The following FYB1 variants were observed in gnomAD, a reference collection of about 807,000 sequenced individuals.
FYB1 encodes the protein FYN-binding protein 1.
FYB1 carries 41 observed loss-of-function variants against 94.1 expected under a neutral mutation model. The observed-to-expected ratio is 0.44, with a 90% CI of 0.34 to 0.57. FYB1 has a LOEUF of 0.57. FYB1 is among the 20% of genes least tolerant of loss of function. The probability of loss-of-function intolerance (pLI) is 0.02; values close to 1 mark genes in which losing one functional copy is unlikely to be tolerated. For synonymous variants in FYB1, 367 were observed against 353.2 expected (o/e 1.04, Z -0.44); for missense variants, 1,050 against 976.8 (o/e 1.07, Z -1.00).
intron 2 of FYB1, among the ~76,000 whole-genome samples, chr5:39,159,921 C>T (rs537486177): frequency 6.6e-6 from 1 of 152,292 alleles, no homozygotes; most frequent in South Asian, 2.1e-4. Context: ...ATCTTCAACT[C>T]TATAGAAGAA....
intron 8 of FYB1, 33 bp downstream of exon 8, chr5:39,134,822 A>G: frequency 6.2e-7 from 1 of 1,611,086 alleles, no homozygotes; most frequent in Non-Finnish European, 8.5e-7. Flanking sequence ...CGCAAAGAAA[A>G]TACTTCGAAG....
chr5:39,204,609 T>A (rs1259844210), intron 1 of FYB1, among the ~76,000 whole-genome samples: 1 of 152,172 alleles, frequency 6.6e-6, no homozygotes, highest in Non-Finnish European at 1.5e-5. Context: ...CCAGAAAATG[T>A]CTCATTTCTT....
intron 1 of FYB1, among the ~76,000 whole-genome samples, chr5:39,266,453 T>A (rs1439956641): frequency 1.3e-5 from 2 of 152,184 alleles, no homozygotes; most frequent in Admixed American, 1.3e-4. Context: ...ATCTAATGTA[T>A]CTATCTTCAT....
In FYB1 at chr5:39,159,991, T is replaced by C. The variant is rs142648379; in HGVS notation, c.1136-6387A>G. 4.2e-3 allele frequency among the ~76,000 whole-genome samples: 634 copies of C among 152,344 alleles called. 6 individuals are homozygous for C. Among genetic ancestry groups the C allele is most frequent in the African/African-American group, 0.014 (599 of 41,584 alleles). ...TAGATACCAGCTGATTTTGTTCCTC[T>C]TCTTCATGGCCAAACTTCTTGGAAA... is the stretch of plus-strand genomic sequence containing the variant. On this transcript the variant is annotated intron_variant, in intron 2 of 18. Transcript: ENST00000512982.
chr5:39,251,919 T>A (rs894325981), intron 1 of FYB1, among the ~76,000 whole-genome samples: 3 of 151,764 alleles, frequency 2.0e-5, no homozygotes, highest in Non-Finnish European at 2.9e-5. Context: ...CCGAGGCGGG[T>A]GGATCACGAG....
At chr5:39,264,168 A>G (rs1048218133) in intron 1 of FYB1, among the ~76,000 whole-genome samples, 1 of 152,166 alleles carries the variant, frequency 6.6e-6, no homozygotes. Context: ...CATTATTTTC[A>G]ATTTCAAGCA....
intron 11 of FYB1, among the ~76,000 whole-genome samples, chr5:39,127,416 A>T (rs902952207): frequency 7.1e-6 from 1 of 141,352 alleles, no homozygotes; most frequent in Non-Finnish European, 1.5e-5. Context: ...CTGCCAGTGC[A>T]CTCCAGCCTG....
chr5:39,190,527 C>T (rs139053418), intron 2 of FYB1, among the ~76,000 whole-genome samples: 4 of 151,986 alleles, frequency 2.6e-5, no homozygotes, highest in Non-Finnish European at 5.9e-5. Flanking sequence ...CCACTCAGCC[C>T]GAGAACAACT....
intron 1 of FYB1, among the ~76,000 whole-genome samples, chr5:39,269,271 G>C (rs1322993599): frequency 6.6e-6 from 1 of 151,052 alleles, no homozygotes; most frequent in South Asian, 2.1e-4. Flanking sequence ...GGATGGTCTC[G>C]ATCTCCTGAC....
chr5:39,206,324 T>C (rs1748853901), intron 1 of FYB1, among the ~76,000 whole-genome samples: 1 of 152,230 alleles, frequency 6.6e-6, no homozygotes, highest in Non-Finnish European at 1.5e-5. Context: ...TCATGATGAC[T>C]GTTAATAAGT....
At chr5:39,251,480 C>T (rs1157474889) in intron 1 of FYB1, among the ~76,000 whole-genome samples, 2 of 152,110 alleles carry the variant, frequency 1.3e-5, no homozygotes, top group Non-Finnish European at 2.9e-5. Context: ...CTGCTCTCTA[C>T]TCCCTGGCCA....
At chr5:39,154,546 G>A (rs990845375) in intron 2 of FYB1, among the ~76,000 whole-genome samples, 7 of 146,458 alleles carry the variant, frequency 4.8e-5, no homozygotes, top group Non-Finnish European at 7.5e-5. Flanking sequence ...TAGCTCTGTC[G>A]CCCAGGCTGG....
chr5:39,182,283 ATGCATGTGTGTGTGTGTGTGTGTG>A (rs1746315152), intron 2 of FYB1, among the ~76,000 whole-genome samples: 1 of 119,922 alleles, frequency 8.3e-6, no homozygotes, highest in Non-Finnish European at 1.7e-5. Flanking sequence ...GTGTGTGTGC[ATGCATGTGTGTGTGTGTGTGTGTG>A]TGTGTGTGTG....
intron 1 of FYB1, among the ~76,000 whole-genome samples, chr5:39,261,733 C>A (rs1035892648): frequency 6.6e-6 from 1 of 151,398 alleles, no homozygotes; most frequent in Non-Finnish European, 1.5e-5. Context: ...GGCAACAAGG[C>A]GAGACTCTGT....
intron 7 of FYB1, among the ~76,000 whole-genome samples, chr5:39,136,022 T>C (rs958779730): frequency 1.3e-5 from 2 of 152,186 alleles, no homozygotes; most frequent in Non-Finnish European, 2.9e-5. Context: ...AAACCCCACA[T>C]AATTCCTTTA....
At chr5:39,237,474 G>A (rs982117106) in intron 1 of FYB1, among the ~76,000 whole-genome samples, 11 of 151,840 alleles carry the variant, frequency 7.2e-5, no homozygotes, top group African/African-American at 2.4e-4. Flanking sequence ...CCTTCATCAA[G>A]CAACTACTTC....
intron 7 of FYB1, among the ~76,000 whole-genome samples, chr5:39,136,516 A>G (rs1265814294): frequency 6.6e-6 from 1 of 152,188 alleles, no homozygotes; most frequent in Non-Finnish European, 1.5e-5. Flanking sequence ...CTTTTTCAAA[A>G]TCAAATGAGA....
rs10532378 is a variant in FYB1, at chr5:39,120,133, CTT to C, written c.2139-501_2139-500del. Among the ~76,000 whole-genome samples, 1,672 of 151,970 alleles carry C rather than the reference CTT, an allele frequency of 0.011. 79 individuals are homozygous for C. The East Asian group carries it at 0.14, about 13-fold the overall frequency. ...GCTAGAGTTTTGGTTAATAAAAAAACTTAAGTAAAAGTTAAGATTTTAGATAT... is the reference window on the plus strand; with the variant it reads ...GCTAGAGTTTTGGTTAATAAAAAAACAAGTAAAAGTTAAGATTTTAGATAT... On this transcript the variant is annotated intron_variant, in intron 14 of 18. Transcript: ENST00000512982.
intron 15 of FYB1, 82 bp downstream of exon 15, chr5:39,119,453 A>G (rs1159215872): frequency 3.0e-6 from 3 of 1,007,040 alleles, no homozygotes; most frequent in Non-Finnish European, 4.1e-6. Context: ...GGATTTTTCA[A>G]TAGTGTTTTT....
Sources: allele counts gnomAD v4.1 joint callset (sites outside exome capture counted in the v4.1 genomes callset), GRCh38; gene constraint gnomAD v4.1.1; transcripts MANE v1.5; gene names NCBI Gene and HGNC (gene_info 2026-07-23, HGNC 2026-07-21).